The following NBAS variants were observed in gnomAD, a reference collection of about 807,000 sequenced individuals.
NBAS encodes NAG/BC035112 fusion.
Under a neutral mutation model 302.5 loss-of-function variants are expected in NBAS, and 219 were observed. The ratio of observed to expected loss-of-function variants is 0.72; its 90% confidence interval spans 0.65 to 0.81. NBAS has a LOEUF of 0.81. Ranked by LOEUF, NBAS falls within the 30% of genes least tolerant of loss-of-function variation. The pLI is 0.00. For missense variants in NBAS, 2,932 were observed against 2,841.6 expected, an observed-to-expected ratio of 1.03 and a Z score of -0.72; for synonymous variants, 1,118 against 1,021.6, an observed-to-expected ratio of 1.09 and a Z score of -1.80.
the NBAS span, among the ~76,000 whole-genome samples, chr2:15,050,248 A>T: frequency 2.7e-3 from 414 of 152,110 alleles, 4 homozygotes; most frequent in African/African-American, 7.2e-3. Flanking sequence ...TCCTTTTTTT[A>T]AATTTTTTCT....
chr2:15,073,498 A>AAAG, the NBAS span, among the ~76,000 whole-genome samples: 113 of 140,784 alleles, frequency 8.0e-4, 7 homozygotes, highest in Middle Eastern at 3.8e-3. Flanking sequence ...AAAATAAAAA[A>AAAG]TAAAACAATA....
intron 11 of NBAS, among the ~76,000 whole-genome samples, chr2:15,491,124 G>A (rs1422498436): frequency 3.3e-5 from 5 of 152,140 alleles, no homozygotes; most frequent in African/African-American, 9.7e-5. Flanking sequence ...TACAGAATAA[G>A]TCATGTTAGC....
chr2:15,184,570 C>A (rs1664987307), intron 50 of NBAS, among the ~76,000 whole-genome samples: 1 of 152,056 alleles, frequency 6.6e-6, no homozygotes, highest in African/African-American at 2.4e-5. Flanking sequence ...GAATCTTGTG[C>A]CACCACTGAT....
intron 24 of NBAS, among the ~76,000 whole-genome samples, chr2:15,416,813 G>GA (rs199927157): frequency 0.051 from 3,841 of 74,906 alleles, 125 homozygotes; most frequent in East Asian, 0.15. Context: ...CTGAAAAAAA[G>GA]AAAAAAAAAA....
intron 50 of NBAS, among the ~76,000 whole-genome samples, chr2:15,181,378 C>T (rs1182320262): frequency 1.3e-5 from 2 of 152,204 alleles, no homozygotes; most frequent in Non-Finnish European, 2.9e-5. Flanking sequence ...AGGTGAGCCA[C>T]TGACTACTTT....
At chr2:14,945,199 G>A in the NBAS span, among the ~76,000 whole-genome samples, 1 of 152,178 alleles carries the variant, frequency 6.6e-6, no homozygotes, top group Non-Finnish European at 1.5e-5. Context: ...TTCAGGAAGG[G>A]CAGCACTCCA....
the NBAS span, among the ~76,000 whole-genome samples, chr2:14,845,958 A>C: frequency 6.6e-6 from 1 of 152,202 alleles, no homozygotes; most frequent in Admixed American, 6.5e-5. Flanking sequence ...ATTGGCCTTA[A>C]AATGAAGGTA....
chr2:15,531,731 C>T (rs1188576753), intron 9 of NBAS, among the ~76,000 whole-genome samples: 1 of 152,146 alleles, frequency 6.6e-6, no homozygotes, highest in Non-Finnish European at 1.5e-5. Context: ...ACTTCTAACT[C>T]AGGGCTTTTG....
intron 29 of NBAS, among the ~76,000 whole-genome samples, 153 bp from the exon 30 acceptor site, chr2:15,379,984 G>A: frequency 6.6e-6 from 1 of 152,072 alleles, no homozygotes; most frequent in Non-Finnish European, 1.5e-5. Flanking sequence ...AAATGACAAT[G>A]AACTGTATAC....
the NBAS span, among the ~76,000 whole-genome samples, chr2:14,970,957 T>C: frequency 6.6e-6 from 1 of 152,168 alleles, no homozygotes; most frequent in African/African-American, 2.4e-5. Flanking sequence ...TAATATTAAC[T>C]GGTACAGAAT....
At chr2:15,282,149 A>G (rs757304172) in intron 42 of NBAS, among the ~76,000 whole-genome samples, 43 of 152,120 alleles carry the variant, frequency 2.8e-4, no homozygotes, top group Non-Finnish European at 5.7e-4. Flanking sequence ...TTAGTTTTCA[A>G]TGTCATGACA....
chr2:15,157,921 A>C, the NBAS span, among the ~76,000 whole-genome samples: 3,900 of 152,276 alleles, frequency 0.026, 158 homozygotes, highest in African/African-American at 0.088. Context: ...TCCAAGGCCA[A>C]GCATGCGCCT....
chr2:14,901,378 AT>A, the NBAS span, among the ~76,000 whole-genome samples: 2 of 152,206 alleles, frequency 1.3e-5, no homozygotes, highest in African/African-American at 4.8e-5. Flanking sequence ...AAGAATCAGA[AT>A]AAAGGAGAAA....
chr2:15,545,012 CA>C (rs61193434), intron 6 of NBAS, among the ~76,000 whole-genome samples: 46 of 147,034 alleles, frequency 3.1e-4, no homozygotes, highest in African/African-American at 5.8e-4. Context: ...CTCTGGCTGG[CA>C]AAAAAAAAAA....
the NBAS span, among the ~76,000 whole-genome samples, chr2:14,995,916 C>A: frequency 0.013 from 1,908 of 152,210 alleles, 49 homozygotes; most frequent in African/African-American, 0.044. Context: ...GCCCATGCCC[C>A]ATGGTTATAA....
intron 13 of NBAS, among the ~76,000 whole-genome samples, chr2:15,477,492 C>G (rs955805848): frequency 3.3e-5 from 5 of 152,298 alleles, no homozygotes; most frequent in African/African-American, 1.2e-4. Context: ...AACTCCCGAC[C>G]TCGGGTGATC....
chr2:15,537,195 C>T (rs932878070), intron 7 of NBAS, among the ~76,000 whole-genome samples: 4 of 152,158 alleles, frequency 2.6e-5, no homozygotes, highest in African/African-American at 9.7e-5. Context: ...TGAGAATCAA[C>T]AGACGCAGGA....
the NBAS span, among the ~76,000 whole-genome samples, chr2:15,053,643 T>A: frequency 6.6e-6 from 1 of 151,272 alleles, no homozygotes; most frequent in Non-Finnish European, 1.5e-5. Context: ...TAGTGTCCTT[T>A]CCCCTGCAGA....
In NBAS at chr2:15,330,780, C is replaced by T; in HGVS notation, c.4180-15G>A. On this transcript the variant is annotated splice_polypyrimidine_tract_variant and intron_variant, in intron 35 of 51. Transcript: ENST00000281513. ...CCTACTTCATCCTGTATTAAAGAAA[C>T]AAAATAGCAAGGGCAAAAATGCATT... 53 of 1,612,798 alleles carry T rather than the reference C, an allele frequency of 3.3e-5. No homozygotes were observed. Among genetic ancestry groups the T allele is most frequent in the Non-Finnish European group, 4.5e-5 (53 of 1,179,392 alleles).
Sources: gnomAD v4.1 joint callset for allele counts (sites outside exome capture counted in the v4.1 genomes callset) on GRCh38, gnomAD v4.1.1 for gene constraint, MANE v1.5 for transcripts, NCBI Gene and HGNC (gene_info 2026-07-23, HGNC 2026-07-21) for gene names.